ADAMTSL1: variants seen among roughly 807,000 people sequenced by gnomAD.
ADAMTSL1 encodes the protein ADAMTS like 1.
In ADAMTSL1, 126 loss-of-function variants were observed where a neutral mutation model predicts 201.8. The ratio of observed to expected loss-of-function variants is 0.62; its 90% confidence interval spans 0.54 to 0.72. The LOEUF is 0.72. Ranked by LOEUF, ADAMTSL1 falls within the 30% of genes least tolerant of loss-of-function variation. ADAMTSL1 has a pLI of 0.00. For missense variants in ADAMTSL1, 2,679 were observed against 2,277.8 expected (o/e 1.18, Z -3.59); for synonymous variants, 1,121 against 903.4 (o/e 1.24, Z -4.32).
At chr9:18,575,006 T>C (rs1352978341) in intron 4 of ADAMTSL1, among the ~76,000 whole-genome samples, 1 of 152,218 alleles carries the variant, frequency 6.6e-6, no homozygotes. Context: ...TTCTGTGTGC[T>C]GTATTTGACT....
intron 1 of ADAMTSL1, among the ~76,000 whole-genome samples, chr9:17,984,127 A>G (rs1182237565): frequency 6.6e-6 from 1 of 152,190 alleles, no homozygotes; most frequent in Admixed American, 6.5e-5. Flanking sequence ...ATTCTCAAGA[A>G]TACCAAAAAC....
chr9:18,017,414 G>A (rs2131574614), intron 1 of ADAMTSL1, among the ~76,000 whole-genome samples: 1 of 151,962 alleles, frequency 6.6e-6, no homozygotes, highest in Non-Finnish European at 1.5e-5. Flanking sequence ...CTGACAGTTT[G>A]TTTTGTAATC....
chr9:18,277,520 T>C (rs1395288085), intron 2 of ADAMTSL1, among the ~76,000 whole-genome samples: 1 of 152,222 alleles, frequency 6.6e-6, no homozygotes, highest in Non-Finnish European at 1.5e-5. Flanking sequence ...TTTATCATTA[T>C]ATAATGACCT....
chr9:18,130,604 G>T (rs1825911461), intron 1 of ADAMTSL1, among the ~76,000 whole-genome samples: 1 of 152,100 alleles, frequency 6.6e-6, no homozygotes, highest in Admixed American at 6.5e-5. Flanking sequence ...AAGCTAGCAG[G>T]TTTTTAAAAG....
chr9:18,647,582 T>C (rs1312847617), intron 7 of ADAMTSL1, among the ~76,000 whole-genome samples: 3 of 152,192 alleles, frequency 2.0e-5, no homozygotes, highest in Admixed American at 6.5e-5. Context: ...GTCTGGTATG[T>C]TGTGTCTTTG....
At chr9:18,748,216 C>G (rs1237947926) in intron 15 of ADAMTSL1, among the ~76,000 whole-genome samples, 3 of 152,262 alleles carry the variant, frequency 2.0e-5, no homozygotes, top group Middle Eastern at 6.8e-3. Flanking sequence ...AATATTTTGG[C>G]CAAGAGCCCA....
chr9:18,241,114 C>A (rs1831045187), intron 2 of ADAMTSL1, among the ~76,000 whole-genome samples: 2 of 152,158 alleles, frequency 1.3e-5, no homozygotes, highest in Admixed American at 6.5e-5. Flanking sequence ...CCTTCAAGAA[C>A]TTTTCCTTTG....
At chr9:18,809,569 C>A (rs1208744399) in intron 20 of ADAMTSL1, among the ~76,000 whole-genome samples, 1 of 152,168 alleles carries the variant, frequency 6.6e-6, no homozygotes, top group Non-Finnish European at 1.5e-5. Context: ...GCAGGTGGAT[C>A]ACCTGAGGTC....
intron 2 of ADAMTSL1, among the ~76,000 whole-genome samples, chr9:18,517,241 AT>A (rs1166692906): frequency 2.0e-5 from 3 of 152,114 alleles, no homozygotes; most frequent in Non-Finnish European, 4.4e-5. Flanking sequence ...AAAGGCAGCA[AT>A]CCCCCGGCCC....
intron 2 of ADAMTSL1, among the ~76,000 whole-genome samples, chr9:18,367,184 A>T (rs1327863287): frequency 6.6e-6 from 1 of 152,212 alleles, no homozygotes; most frequent in Non-Finnish European, 1.5e-5. Flanking sequence ...CCAAGTTGAC[A>T]AAGGTTATAG....
intron 2 of ADAMTSL1, among the ~76,000 whole-genome samples, chr9:18,329,169 C>A (rs781762442): frequency 1.3e-5 from 2 of 151,986 alleles, no homozygotes; most frequent in Non-Finnish European, 2.9e-5. Context: ...GCCCCTTCTA[C>A]CCGTGAGGAC....
chr9:18,897,476 G>A (rs990684095), intron 26 of ADAMTSL1, among the ~76,000 whole-genome samples: 1 of 152,204 alleles, frequency 6.6e-6, no homozygotes, highest in African/African-American at 2.4e-5. Flanking sequence ...GCCAGCAACA[G>A]GTCAGTACCC....
At chr9:18,554,796 A>T (rs1821007614) in intron 3 of ADAMTSL1, among the ~76,000 whole-genome samples, 1 of 151,538 alleles carries the variant, frequency 6.6e-6, no homozygotes, top group East Asian at 1.9e-4. Context: ...TGCCTACCAC[A>T]TGTACAGTCT....
At chr9:18,889,114 A>G (rs1247687551) in intron 24 of ADAMTSL1, among the ~76,000 whole-genome samples, 2 of 152,212 alleles carry the variant, frequency 1.3e-5, no homozygotes, top group Non-Finnish European at 2.9e-5. Flanking sequence ...TAACATTTGC[A>G]AAGTCCAGCT....
In ADAMTSL1 at chr9:18,762,408, A is replaced by T. The variant is rs150056736; in HGVS notation, c.2218-8194A>T. ...AATAGTATATGTATTTATGGGGTAC[A>T]TGAGATGTTTTGATACAGGCATGCA... On this transcript the variant is annotated intron_variant, in intron 16 of 28. Transcript: ENST00000380548. 2.6e-3 allele frequency among the ~76,000 whole-genome samples: 395 copies of T among 152,322 alleles called. 1 individual carries two copies. Among genetic ancestry groups the T allele is most frequent in the Admixed American group, 6.6e-3 (101 of 15,304 alleles).
intron 19 of ADAMTSL1, among the ~76,000 whole-genome samples, chr9:18,791,998 C>A (rs1045322040): frequency 2.0e-5 from 3 of 152,088 alleles, no homozygotes; most frequent in African/African-American, 7.3e-5. Flanking sequence ...AAACTAACCC[C>A]CACCTAAAAA....
intron 2 of ADAMTSL1, among the ~76,000 whole-genome samples, chr9:18,377,361 C>G (rs1319442355): frequency 6.6e-6 from 1 of 152,186 alleles, no homozygotes; most frequent in Non-Finnish European, 1.5e-5. Context: ...TTAAAGCATT[C>G]TTTCTGATAG....
At chr9:17,999,671 G>A (rs1221490192) in intron 1 of ADAMTSL1, among the ~76,000 whole-genome samples, 2 of 149,782 alleles carry the variant, frequency 1.3e-5, no homozygotes, top group Admixed American at 6.7e-5. Context: ...AGTTACATAC[G>A]TATACATGTG....
chr9:18,541,929 G>A (rs1587508252), intron 3 of ADAMTSL1, among the ~76,000 whole-genome samples: 1 of 152,140 alleles, frequency 6.6e-6, no homozygotes, highest in Admixed American at 6.5e-5. Context: ...CTTGTTAAAA[G>A]TTTAAAAAAG....
Sources: gnomAD v4.1 joint callset for allele counts (sites outside exome capture counted in the v4.1 genomes callset) on GRCh38, gnomAD v4.1.1 for gene constraint, MANE v1.5 for transcripts, NCBI Gene and HGNC (gene_info 2026-07-23, HGNC 2026-07-21) for gene names.